Variants in SLC30A10 observed in about 807,000 individuals in gnomAD.
SLC30A10 encodes solute carrier family 30 member 10, also known as calcium/manganese antiporter SLC30A10.
In SLC30A10, 8 loss-of-function variants were observed where a neutral mutation model predicts 21.7. That is an observed-to-expected ratio of 0.37 (90% CI 0.22 to 0.67). The LOEUF (loss-of-function observed/expected upper bound fraction) is 0.67. Among genes scored for constraint, SLC30A10 ranks in the 30% least tolerant of loss-of-function variants. SLC30A10 has a pLI of 0.58. For synonymous variants in SLC30A10, 272 were observed against 279.4 expected, an observed-to-expected ratio of 0.97 and a Z score of 0.26; for missense variants, 521 against 642.5, an observed-to-expected ratio of 0.81 and a Z score of 2.04.
At chr1:219,943,274 T>C (rs1660144083) in intron 1 of SLC30A10, among the ~76,000 whole-genome samples, 1 of 152,120 alleles carries the variant, frequency 6.6e-6, no homozygotes, top group South Asian at 2.1e-4. Context: ...TTAGTTGAAA[T>C]TAAAAACTCA....
At chr1:219,927,672 C>CAAAA (rs1659869810) in intron 1 of SLC30A10, 129 bp downstream of exon 1, 2 of 385,648 alleles carry the variant, frequency 5.2e-6, no homozygotes, top group Non-Finnish European at 7.2e-6. Flanking sequence ...AAAAAAACAA[C>CAAAA]AACAACAAAA....
chr1:219,927,690 AACAG>A, intron 1 of SLC30A10, 107 bp downstream of exon 1: 2 of 910,194 alleles, frequency 2.2e-6, no homozygotes, highest in Middle Eastern at 2.6e-4. Context: ...AAAAAAAAAA[AACAG>A]AAAAAAAGCA....
chr1:219,924,167 C>G (rs145508261), intron 2 of SLC30A10, among the ~76,000 whole-genome samples: 1 of 152,196 alleles, frequency 6.6e-6, no homozygotes, highest in African/African-American at 2.4e-5. Context: ...CAGAGATCCC[C>G]GTAAGCTGTT....
intron 1 of SLC30A10, among the ~76,000 whole-genome samples, chr1:219,934,162 C>G (rs1278448974): frequency 6.6e-6 from 1 of 152,168 alleles, no homozygotes; most frequent in Non-Finnish European, 1.5e-5. Flanking sequence ...GTGGTGGGCA[C>G]CTGTAGTGCC....
intron 1 of SLC30A10, among the ~76,000 whole-genome samples, chr1:219,950,542 G>C (rs1179131028): frequency 6.6e-6 from 1 of 152,042 alleles, no homozygotes; most frequent in African/African-American, 2.4e-5. Flanking sequence ...GGGAGGCTGA[G>C]GCAGGAGAAT....
Position 219,911,148 on chromosome 1 carries a change from A to AGTTTTTTCTTT in SLC30A10, c.*4300_*4301insAAAGAAAAAAC, listed in dbSNP as rs1553311733. Among the ~76,000 whole-genome samples, 3 of 38,590 alleles carry AGTTTTTTCTTT rather than the reference A, an allele frequency of 7.8e-5. 1 individual carries two copies. Among genetic ancestry groups the AGTTTTTTCTTT allele is most frequent in the Non-Finnish European group, 1.3e-4 (3 of 23,696 alleles). The allele number at this position is 38,590 out of a possible 152,430, so 25.3% of individuals were successfully genotyped here. A position where few individuals can be genotyped will look rare whatever the true frequency, so the allele number is the denominator to read the frequency against. On this transcript the variant is annotated 3_prime_UTR_variant, in exon 4 of 4. Transcript: ENST00000366926. ...CATGTTTCTTCATTTTTTCTACATCAGTTTTTTTTTTTTTTTTTTTTTTTT... is the reference window on the plus strand; with the variant it reads ...CATGTTTCTTCATTTTTTCTACATCAGTTTTTTCTTTGTTTTTTTTTTTTTTTTTTTTTTTT...
chr1:219,951,507 G>A (rs549989949), intron 1 of SLC30A10, among the ~76,000 whole-genome samples: 12 of 151,728 alleles, frequency 7.9e-5, no homozygotes, highest in Non-Finnish European at 1.8e-4. Flanking sequence ...GGATCACGAG[G>A]TCAGGAGATC....
At chr1:219,953,552 G>A (rs1660302443) in intron 1 of SLC30A10, among the ~76,000 whole-genome samples, 2 of 151,516 alleles carry the variant, frequency 1.3e-5, no homozygotes, top group Non-Finnish European at 2.9e-5. Flanking sequence ...TCGTGAGCCC[G>A]AGACTGTGCC....
chr1:219,923,462 C>CTGGAAA (rs1659743319), intron 2 of SLC30A10, among the ~76,000 whole-genome samples: 2 of 152,138 alleles, frequency 1.3e-5, no homozygotes, highest in Admixed American at 6.5e-5. Context: ...TGTTGAATGA[C>CTGGAAA]TGGAAATAGT....
Position 219,927,906 on chromosome 1 carries a change from C to G in SLC30A10, c.535G>C (p.Ala179Pro). ...GAGCCTGGGGCTGTCGGGTCCGCCG[C>G]GCGCCGCGGGTCCTCCGCGCCCTGA... ...GPQGAEDPRRAADPTAPGSDS... is the reference protein window; with the variant it reads ...GPQGAEDPRRPADPTAPGSDS... Residue 179 changes from alanine to proline, a missense_variant, in exon 1 of 4, where the codon GCG (alanine) becomes CCG (proline). Coordinates refer to ENST00000366926, the MANE Select transcript of SLC30A10 (RefSeq NM_018713.3). 6.5e-7 allele frequency: 1 copy of G among 1,538,596 alleles called. No homozygotes were observed. Among genetic ancestry groups the G allele is most frequent in the Non-Finnish European group, 8.8e-7 (1 of 1,142,496 alleles).
rs1659481702 is a variant in SLC30A10 at position 219,914,333 on chromosome 1, T to C, written c.*1116A>G. 1 of 152,210 alleles carries C rather than the reference T, an allele frequency of 6.6e-6. No individual in the cohort carries two copies. The highest frequency in any genetic ancestry group is 1.5e-5 in the Non-Finnish European group (1 of 68,036). 9.4% of individuals were successfully genotyped at this position (152,210 alleles called of 1,614,324 possible). On this transcript the variant is annotated 3_prime_UTR_variant, in exon 4 of 4. Coordinates refer to ENST00000366926, the MANE Select transcript of SLC30A10 (RefSeq NM_018713.3). ...AACTTGGTAATATGGATCAGCGACA[T>C]GAAAGAAAATTTTAAGTTCCTCAAA...
intron 2 of SLC30A10, among the ~76,000 whole-genome samples, 183 bp downstream of exon 2, chr1:219,926,845 G>A (rs999571610): frequency 2.4e-4 from 37 of 152,302 alleles, no homozygotes; most frequent in Non-Finnish European, 1.5e-4. Flanking sequence ...TAAATCATTA[G>A]CAACCAGTTT....
upstream of SLC30A10, among the ~76,000 whole-genome samples, chr1:219,932,494 A>G (rs995528978): frequency 6.6e-6 from 1 of 152,080 alleles, no homozygotes; most frequent in Non-Finnish European, 1.5e-5. Flanking sequence ...AAGAGATGAC[A>G]TTGCCTTTGG....
At chr1:219,921,963 G>C (rs1240860072) in intron 2 of SLC30A10, among the ~76,000 whole-genome samples, 1 of 150,444 alleles carries the variant, frequency 6.6e-6, no homozygotes, top group Non-Finnish European at 1.5e-5. Context: ...GAGAGACAGA[G>C]AGAGAGAAAA....
Position 219,920,174 on chromosome 1 carries a change from C to G in SLC30A10, c.719-1680G>C, listed in dbSNP as rs1659644392. 3.3e-5 allele frequency among the ~76,000 whole-genome samples: 5 copies of G among 152,190 alleles called. No homozygotes were observed. In the Middle Eastern group the frequency reaches 0.01, roughly 311 times the overall value. On this transcript the variant is annotated intron_variant, in intron 2 of 3. Transcript: ENST00000366926. The stretch of plus-strand genomic sequence containing the variant: ...TACTTATGATAATAAGATCTTGATT[C>G]AATATATACATTAACATTCTCATTT...
In SLC30A10 at chr1:219,949,502, CAAGAACA is replaced by C. The variant is rs956841704; in HGVS notation, n.80+9059_80+9065del. Among the ~76,000 whole-genome samples, 57 of 152,040 alleles carry C rather than the reference CAAGAACA, an allele frequency of 3.7e-4. 1 individual carries two copies. The highest frequency in any genetic ancestry group is 1.2e-3 in the African/African-American group (51 of 41,462). ...AACCATCATTCTCAGTAAACTATCGCAAGAACAAAAAACCAAACACCGCATATTCTCA... is the reference window on the plus strand; with the variant it reads ...AACCATCATTCTCAGTAAACTATCGCAAAAACCAAACACCGCATATTCTCA... On this transcript the variant is annotated intron_variant and non_coding_transcript_variant, in intron 1 of 8. Coordinates refer to the SLC30A10 transcript ENST00000484239.
upstream of SLC30A10, among the ~76,000 whole-genome samples, chr1:219,929,373 C>A (rs1259337102): frequency 6.6e-6 from 1 of 152,152 alleles, no homozygotes; most frequent in Non-Finnish European, 1.5e-5. Context: ...GTCCCTTGGC[C>A]GCCAAAGAAA....
At chr1:219,944,980 A>G (rs1660169224) in intron 1 of SLC30A10, among the ~76,000 whole-genome samples, 2 of 152,230 alleles carry the variant, frequency 1.3e-5, no homozygotes, top group Admixed American at 1.3e-4. Flanking sequence ...ATACCATGGA[A>G]TCCTTTTCAG....
chr1:219,950,382 G>C (rs572095836), intron 1 of SLC30A10, among the ~76,000 whole-genome samples: 1 of 152,246 alleles, frequency 6.6e-6, no homozygotes, highest in South Asian at 2.1e-4. Flanking sequence ...GCTCATGCCT[G>C]TAATCCCAGC....
Sources: gnomAD v4.1 joint callset for allele counts (sites outside exome capture counted in the v4.1 genomes callset) on GRCh38, gnomAD v4.1.1 for gene constraint, MANE v1.5 for transcripts, NCBI Gene and HGNC (gene_info 2026-07-23, HGNC 2026-07-21) for gene names.